The following DPP6 variants were observed in gnomAD, a reference collection of about 807,000 sequenced individuals.
DPP6 encodes the protein dipeptidyl peptidase like 6.
A neutral mutation model predicts 122.6 loss-of-function variants in DPP6; 69 were observed. That is an observed-to-expected ratio of 0.56 (90% CI 0.46 to 0.69). The LOEUF (loss-of-function observed/expected upper bound fraction) is 0.69. Among genes scored for constraint, DPP6 ranks in the 30% least tolerant of loss-of-function variants. The probability of loss-of-function intolerance (pLI) is 0.00; values close to 1 mark genes in which losing one functional copy is unlikely to be tolerated. For synonymous variants in DPP6, 418 were observed against 433.1 expected (o/e 0.97, Z 0.43); for missense variants, 928 against 1,116.9 (o/e 0.83, Z 2.41).
chr7:153,949,830 G>A (rs1316514938), intron 1 of DPP6, among the ~76,000 whole-genome samples: 1 of 152,196 alleles, frequency 6.6e-6, no homozygotes, highest in Non-Finnish European at 1.5e-5. Context: ...AACAATTGTT[G>A]CTATCTAAAG....
At chr7:154,847,029 G>C (rs960607355) in intron 16 of DPP6, among the ~76,000 whole-genome samples, 2 of 152,120 alleles carry the variant, frequency 1.3e-5, no homozygotes, top group Admixed American at 6.5e-5. Flanking sequence ...CCTGTACATA[G>C]TTGCTGTTAG....
chr7:154,638,313 G>C (rs1741733014), intron 6 of DPP6, among the ~76,000 whole-genome samples: 1 of 152,164 alleles, frequency 6.6e-6, no homozygotes, highest in African/African-American at 2.4e-5. Context: ...GACAAATCTG[G>C]AACATATCTA....
intron 1 of DPP6, among the ~76,000 whole-genome samples, chr7:154,066,048 T>C (rs1041325700): frequency 6.8e-6 from 1 of 148,110 alleles, no homozygotes; most frequent in South Asian, 2.2e-4. Flanking sequence ...GATTTGTTTT[T>C]TTTTTTTTTT....
At chr7:154,113,412 T>TATATATATACACAC (rs1472172445) in intron 1 of DPP6, among the ~76,000 whole-genome samples, 125 of 141,604 alleles carry the variant, frequency 8.8e-4, no homozygotes, top group African/African-American at 3.1e-3. Flanking sequence ...TATATATATA[T>TATATATATACACAC]ACACACACAC....
At chr7:154,793,121 A>T (rs779014295) in intron 10 of DPP6, among the ~76,000 whole-genome samples, 11 of 152,000 alleles carry the variant, frequency 7.2e-5, no homozygotes, top group Non-Finnish European at 1.6e-4. Flanking sequence ...GCTCGCCAGG[A>T]ATTGTCTAGT....
intron 8 of DPP6, among the ~76,000 whole-genome samples, chr7:154,763,358 G>C (rs1430283400): frequency 7.9e-5 from 2 of 25,362 alleles, no homozygotes; most frequent in Admixed American, 3.3e-4. Flanking sequence ...GAAGGAAGGA[G>C]AGAGAGAGAG....
At chr7:154,343,388 C>T (rs912553663) in intron 1 of DPP6, among the ~76,000 whole-genome samples, 2 of 152,226 alleles carry the variant, frequency 1.3e-5, no homozygotes, top group Admixed American at 6.5e-5. Flanking sequence ...AGCGTCAGTC[C>T]GGGCACTGAA....
At chr7:153,802,332 A>C in the DPP6 span, among the ~76,000 whole-genome samples, 17 of 152,170 alleles carry the variant, frequency 1.1e-4, no homozygotes, top group Non-Finnish European at 2.4e-4. Context: ...ACCTGTGCCT[A>C]CTGGTGGGGA....
chr7:154,367,217 G>C (rs1042958575), intron 1 of DPP6, among the ~76,000 whole-genome samples: 3 of 152,136 alleles, frequency 2.0e-5, no homozygotes, highest in African/African-American at 7.2e-5. Context: ...GACCCGGAAG[G>C]ATCCTAACTA....
chr7:154,294,833 C>G (rs1287867726), intron 1 of DPP6, among the ~76,000 whole-genome samples: 2 of 152,150 alleles, frequency 1.3e-5, no homozygotes, highest in Non-Finnish European at 2.9e-5. Flanking sequence ...GTGTGTTCCC[C>G]CGACAATCTG....
intron 10 of DPP6, among the ~76,000 whole-genome samples, chr7:154,789,009 T>C (rs1797508944): frequency 6.6e-6 from 1 of 152,230 alleles, no homozygotes; most frequent in Admixed American, 6.5e-5. Flanking sequence ...CTCTTTATTT[T>C]TAGTGTGACT....
In DPP6 at chr7:154,663,526, G is replaced by A. The variant is rs1380531840; in HGVS notation, c.681-5834G>A. On this transcript the variant is annotated intron_variant, in intron 6 of 25. Transcript: ENST00000377770. ...GGTGAATCACCATGGCGTATCGGCC[G>A]TAGTGTTCATATAGTCATGGTGAAT... Among the ~76,000 whole-genome samples, 5 of 37,728 alleles carry A rather than the reference G, an allele frequency of 1.3e-4. 1 individual carries two copies. The highest frequency in any genetic ancestry group is 2.0e-4 in the Non-Finnish European group (2 of 10,024). 24.8% of individuals were successfully genotyped at this position (37,728 alleles called of 152,430 possible). A position where few individuals can be genotyped will look rare whatever the true frequency, so the allele number is the denominator to read the frequency against.
intron 1 of DPP6, among the ~76,000 whole-genome samples, chr7:153,964,846 TTTTCCTTTTCCC>T (rs1795574280): frequency 7.3e-6 from 1 of 136,734 alleles, no homozygotes; most frequent in Non-Finnish European, 1.5e-5. Flanking sequence ...TTCCTTTTCC[TTTTCCTTTTCCC>T]TTTCCTTTCC....
chr7:154,060,984 A>G lies in DPP6; in HGVS notation c.243+7921A>G, dbSNP rs992084621. The stretch of plus-strand genomic sequence containing the variant: ...AAGATCCTTAGGACCCACCTGGAGG[A>G]CTGTGGGTATTAGGTGTCCAAGTAG... On this transcript the variant is annotated intron_variant, in intron 1 of 25. Coordinates refer to ENST00000377770, the MANE Select transcript of DPP6 (RefSeq NM_130797.4). Among the ~76,000 whole-genome samples the G allele has an allele frequency of 1.9e-4, 28 of 148,868 alleles. 4 individuals are homozygous for G. The highest frequency in any genetic ancestry group is 4.5e-5 in the Non-Finnish European group (3 of 66,158).
At chr7:153,770,811 A>G in the DPP6 span, among the ~76,000 whole-genome samples, 3 of 152,242 alleles carry the variant, frequency 2.0e-5, no homozygotes, top group African/African-American at 7.2e-5. Context: ...GCTAAAAATA[A>G]AAATGAATAT....
chr7:153,999,133 G>C (rs1479191208), intron 1 of DPP6, among the ~76,000 whole-genome samples: 4 of 152,186 alleles, frequency 2.6e-5, no homozygotes, highest in Non-Finnish European at 5.9e-5. Context: ...GGCACCACTT[G>C]AGTTGAGTTT....
the DPP6 span, among the ~76,000 whole-genome samples, chr7:153,784,375 T>A: frequency 6.6e-6 from 1 of 152,234 alleles, no homozygotes. Flanking sequence ...AGAATATTAT[T>A]TTTTAACTTT....
intron 1 of DPP6, among the ~76,000 whole-genome samples, chr7:154,232,466 A>G (rs1800974082): frequency 6.6e-6 from 1 of 152,212 alleles, no homozygotes; most frequent in African/African-American, 2.4e-5. Flanking sequence ...CATCAGAACA[A>G]GAAACTCTGT....
At chr7:153,750,891 TCTCAAAGAAGAA>T in the DPP6 span, among the ~76,000 whole-genome samples, 1 of 152,234 alleles carries the variant, frequency 6.6e-6, no homozygotes, top group Non-Finnish European at 1.5e-5. Context: ...CAGTTCCTTT[TCTCAAAGAAGAA>T]CACACTTAAG....
Sources: allele counts gnomAD v4.1 joint callset (sites outside exome capture counted in the v4.1 genomes callset), GRCh38; gene constraint gnomAD v4.1.1; transcripts MANE v1.5; gene names NCBI Gene and HGNC (gene_info 2026-07-23, HGNC 2026-07-21).